NRXN3: variants seen among roughly 807,000 people sequenced by gnomAD.
NRXN3 encodes neurexin III.
A neutral mutation model predicts 137.6 loss-of-function variants in NRXN3; 32 were observed. The observed-to-expected ratio is 0.23, with a 90% CI of 0.18 to 0.31. The LOEUF is 0.31. Ranked by LOEUF, NRXN3 falls within the 10% of genes least tolerant of loss-of-function variation. NRXN3 has a pLI of 1.00. For synonymous variants in NRXN3, 798 were observed against 784.5 expected, an observed-to-expected ratio of 1.02 and a Z score of -0.29; for missense variants, 1,574 against 2,062.5, an observed-to-expected ratio of 0.76 and a Z score of 4.59.
At chr14:79,559,630 A>G (rs1043750619) in intron 16 of NRXN3, among the ~76,000 whole-genome samples, 2 of 152,186 alleles carry the variant, frequency 1.3e-5, no homozygotes, top group African/African-American at 2.4e-5. Context: ...TGACACAGAG[A>G]TGTGAAGTGA....
chr14:79,582,278 T>G (rs1204184515), intron 16 of NRXN3, among the ~76,000 whole-genome samples: 2 of 151,792 alleles, frequency 1.3e-5, no homozygotes, highest in Non-Finnish European at 2.9e-5. Flanking sequence ...GTTTCACATG[T>G]AAGGTAATAG....
intron 15 of NRXN3, among the ~76,000 whole-genome samples, chr14:79,043,807 G>C (rs2099628857): frequency 6.6e-6 from 1 of 152,160 alleles, no homozygotes; most frequent in African/African-American, 2.4e-5. Context: ...ATGTTTGAGA[G>C]AGACATCGCT....
chr14:79,096,869 C>T (rs2152828028), intron 15 of NRXN3, among the ~76,000 whole-genome samples: 1 of 152,266 alleles, frequency 6.6e-6, no homozygotes, highest in South Asian at 2.1e-4. Context: ...ATGTCGACCC[C>T]ATTCTGCCAC....
chr14:78,343,132 G>T (rs1444147954), intron 4 of NRXN3, among the ~76,000 whole-genome samples: 1 of 152,090 alleles, frequency 6.6e-6, no homozygotes, highest in Non-Finnish European at 1.5e-5. Flanking sequence ...GCATGGTAAA[G>T]CTTGAGAACC....
At chr14:79,860,887 G>T (rs957274575) in intron 20 of NRXN3, among the ~76,000 whole-genome samples, 1 of 152,250 alleles carries the variant, frequency 6.6e-6, no homozygotes, top group African/African-American at 2.4e-5. Context: ...CATACAGAAG[G>T]CTCCAAATCT....
chr14:78,749,536 T>C (rs951543131), intron 8 of NRXN3, among the ~76,000 whole-genome samples: 3 of 152,216 alleles, frequency 2.0e-5, no homozygotes, highest in Admixed American at 1.3e-4. Context: ...GTTCAAGCAA[T>C]AGAAAGAAGA....
intron 15 of NRXN3, among the ~76,000 whole-genome samples, chr14:79,153,887 C>A (rs1230156959): frequency 1.3e-5 from 2 of 151,844 alleles, no homozygotes; most frequent in African/African-American, 4.8e-5. Flanking sequence ...GCTAAGAAAT[C>A]CAGATTTGGA....
At chr14:78,360,613 G>A (rs1833281602) in intron 4 of NRXN3, among the ~76,000 whole-genome samples, 1 of 152,138 alleles carries the variant, frequency 6.6e-6, no homozygotes, top group African/African-American at 2.4e-5. Context: ...ACCCCACAAG[G>A]TTATGCTAGA....
At chr14:79,593,630 CAAAAAA>C (rs58254245) in intron 16 of NRXN3, among the ~76,000 whole-genome samples, 1 of 74,802 alleles carries the variant, frequency 1.3e-5, no homozygotes, top group African/African-American at 4.7e-5. Flanking sequence ...GACTCCGTCT[CAAAAAA>C]AAAAAAAAAA....
At chr14:78,450,347 G>C (rs2094522133) in intron 4 of NRXN3, among the ~76,000 whole-genome samples, 1 of 152,188 alleles carries the variant, frequency 6.6e-6, no homozygotes, top group South Asian at 2.1e-4. Context: ...TGTGCCACAG[G>C]TTTGGGATGT....
intron 15 of NRXN3, among the ~76,000 whole-genome samples, chr14:79,017,463 C>T (rs1331603958): frequency 6.6e-6 from 1 of 151,914 alleles, no homozygotes; most frequent in African/African-American, 2.4e-5. Flanking sequence ...ACATTGGACC[C>T]CATCCTGGGA....
At chr14:78,598,087 A>G (rs141728367) in intron 4 of NRXN3, among the ~76,000 whole-genome samples, 2 of 152,356 alleles carry the variant, frequency 1.3e-5, no homozygotes, top group East Asian at 3.9e-4. Context: ...AGAGTAGTAG[A>G]TTCTGCATTC....
chr14:79,341,084 G>A (rs2092586670), intron 15 of NRXN3, among the ~76,000 whole-genome samples: 1 of 152,080 alleles, frequency 6.6e-6, no homozygotes, highest in African/African-American at 2.4e-5. Flanking sequence ...GATGATTGAG[G>A]GGTTTTTGGA....
intron 16 of NRXN3, among the ~76,000 whole-genome samples, chr14:79,477,870 G>A (rs1273303963): frequency 6.6e-6 from 1 of 152,086 alleles, no homozygotes; most frequent in Non-Finnish European, 1.5e-5. Flanking sequence ...TTAAAAAGGA[G>A]AGAACTGAGA....
At chr14:79,369,025 A>G (rs1202848726) in intron 15 of NRXN3, among the ~76,000 whole-genome samples, 1 of 152,232 alleles carries the variant, frequency 6.6e-6, no homozygotes, top group African/African-American at 2.4e-5. Flanking sequence ...ACAACAATGG[A>G]GTTGGAAAAT....
At chr14:79,552,342 T>G (rs1474418281) in intron 16 of NRXN3, among the ~76,000 whole-genome samples, 1 of 152,196 alleles carries the variant, frequency 6.6e-6, no homozygotes, top group Non-Finnish European at 1.5e-5. Context: ...CCCAGCATTC[T>G]TGAAAGAGTA....
chr14:79,177,407 G>GC (rs1442558330), intron 15 of NRXN3, among the ~76,000 whole-genome samples: 3 of 152,162 alleles, frequency 2.0e-5, no homozygotes, highest in Admixed American at 6.5e-5. Context: ...ACTTTTATCA[G>GC]CCCTCGGAGA....
At chr14:78,300,751 C>T in intron 4 of NRXN3, 2 of 1,158,570 alleles carry the variant, frequency 1.7e-6, no homozygotes, top group Non-Finnish European at 2.5e-6. Context: ...AATATTCATG[C>T]ATCCAAGAGG....
intron 15 of NRXN3, among the ~76,000 whole-genome samples, chr14:79,284,982 G>A (rs934007701): frequency 6.6e-6 from 1 of 152,116 alleles, no homozygotes; most frequent in East Asian, 1.9e-4. Flanking sequence ...GGCTCCTCTA[G>A]ATGCGTTGTT....
Sources: allele counts gnomAD v4.1 joint callset (sites outside exome capture counted in the v4.1 genomes callset), GRCh38; gene constraint gnomAD v4.1.1; transcripts MANE v1.5; gene names NCBI Gene and HGNC (gene_info 2026-07-23, HGNC 2026-07-21).